EFCAB10: variants seen among roughly 807,000 people sequenced by gnomAD.
EFCAB10 encodes EF-hand calcium binding domain 10, also known as EF-hand calcium-binding domain-containing protein 10.
Under a neutral mutation model 7.7 loss-of-function variants are expected in EFCAB10, and 7 were observed. The ratio of observed to expected loss-of-function variants is 0.91; its 90% CI spans 0.52 to 1.72. The LOEUF is 1.72. EFCAB10 is among the 40% of genes most tolerant of loss of function. The pLI is 0.00. For missense variants in EFCAB10, 112 were observed against 61.5 expected (o/e 1.82, Z -2.74); for synonymous variants, 52 against 21.0 (o/e 2.47, Z -4.03).
chr7:105,570,014 G>A (rs914160674), intron 1 of EFCAB10, among the ~76,000 whole-genome samples: 2 of 150,802 alleles, frequency 1.3e-5, no homozygotes, highest in African/African-American at 2.4e-5. Flanking sequence ...CCTGAGGTTG[G>A]GAGTTTGAGA....
chr7:105,573,394 T>A (rs1791996572), intron 1 of EFCAB10: 1 of 152,194 alleles, frequency 6.6e-6, no homozygotes, highest in Admixed American at 6.6e-5. Flanking sequence ...AATAAGTAAA[T>A]AATGCTAATG....
At chr7:105,579,219 C>T (rs139362170) in intron 1 of EFCAB10, among the ~76,000 whole-genome samples, 1 of 152,318 alleles carries the variant, frequency 6.6e-6, no homozygotes, top group African/African-American at 2.4e-5. Flanking sequence ...TGAGGGATTA[C>T]TGGCTGTGCC....
rs566296934 is a variant in EFCAB10 at position 105,574,207 on chromosome 7, GACAC to G, written c.107-4640_107-4637del. Among the ~76,000 whole-genome samples, 467 of 145,216 alleles carry G rather than the reference GACAC, an allele frequency of 3.2e-3. 4 individuals are homozygous for G. Among genetic ancestry groups the G allele is most frequent in the African/African-American group, 0.011 (442 of 39,150 alleles). Reference sequence around the variant, plus strand: ...ATATACACACACACGTATATATATAGACACACACACACCCGTATATGTACACACA... The same window carrying G: ...ATATACACACACACGTATATATATAGACACACACCCGTATATGTACACACA... On this transcript the variant is annotated intron_variant, in intron 1 of 4. Transcript: ENST00000480514.
Position 105,565,317 on chromosome 7 carries a change from T to G in EFCAB10, c.*130A>C. 1 of 1,614,210 alleles carries G rather than the reference T, an allele frequency of 6.2e-7. No individual in the cohort carries two copies. Among genetic ancestry groups the G allele is most frequent in the Non-Finnish European group, 8.5e-7 (1 of 1,180,002 alleles). ...ATCTCAGTCAGAGCAGGCAGTGATG[T>G]CCCTGTCCAGTTCGGCTTGCCCGTT... On this transcript the variant is annotated 3_prime_UTR_variant, in exon 5 of 5. Coordinates refer to ENST00000480514, the MANE Select transcript of EFCAB10 (RefSeq NM_001355526.2).
chr7:105,570,881 C>T (rs984286503), intron 1 of EFCAB10, among the ~76,000 whole-genome samples: 17 of 152,126 alleles, frequency 1.1e-4, no homozygotes, highest in Middle Eastern at 3.4e-3. Context: ...AAAACTTAGC[C>T]GGGCGTGGTG....
At chr7:105,576,634 T>C (rs1390286413) in intron 1 of EFCAB10, among the ~76,000 whole-genome samples, 1 of 152,094 alleles carries the variant, frequency 6.6e-6, no homozygotes, top group Non-Finnish European at 1.5e-5. Context: ...TTAGTAGAGA[T>C]GGAGTTTCAC....
At chr7:105,565,550 C>A (rs755904615) in intron 4 of EFCAB10, 103 bp from the exon 5 acceptor site, 1 of 1,613,674 alleles carries the variant, frequency 6.2e-7, no homozygotes, top group Non-Finnish European at 8.5e-7. Context: ...CTAATCACTT[C>A]AATGAAGGAG....
At chr7:105,574,898 C>A (rs1208111324) in intron 1 of EFCAB10, among the ~76,000 whole-genome samples, 2 of 146,618 alleles carry the variant, frequency 1.4e-5, no homozygotes, top group Admixed American at 1.4e-4. Context: ...GAGTTCAAGA[C>A]CAGCCTGGCC....
rs1586288585 is a variant in EFCAB10, at chr7:105,573,912, T to A, written c.107-4341A>T. ...GTCAGTCATGATAGTCTCCATTGAG[T>A]TTTTTCTCAATAGCTTTCAAATTCA... On this transcript the variant is annotated intron_variant, in intron 1 of 4. Coordinates refer to ENST00000480514, the MANE Select transcript of EFCAB10 (RefSeq NM_001355526.2). 2.6e-5 allele frequency among the ~76,000 whole-genome samples: 4 copies of A among 152,064 alleles called. No individual in the cohort carries two copies. The South Asian group carries it at 8.3e-4, about 32-fold the overall frequency.
chr7:105,571,442 C>G (rs1791946443), intron 1 of EFCAB10: 1 of 152,174 alleles, frequency 6.6e-6, no homozygotes, highest in Non-Finnish European at 1.5e-5. Flanking sequence ...AAACGTAGTT[C>G]TACAGTATCA....
At chr7:105,565,924 G>A (rs1173749114) in intron 4 of EFCAB10, among the ~76,000 whole-genome samples, 5 of 147,584 alleles carry the variant, frequency 3.4e-5, no homozygotes, top group East Asian at 4.0e-4. Context: ...AGTTACTGGA[G>A]GAATAAATAG....
chr7:105,569,671 C>T (rs925475277), intron 1 of EFCAB10, 100 bp from the exon 2 acceptor site: 12 of 614,922 alleles, frequency 2.0e-5, no homozygotes, highest in Non-Finnish European at 3.4e-5. Context: ...AGCAAAGGCA[C>T]TGTACTAGGC....
intron 1 of EFCAB10, 37 bp downstream of exon 1, chr7:105,581,321 T>A (rs1792229511): frequency 1.4e-6 from 1 of 701,580 alleles, no homozygotes; most frequent in Non-Finnish European, 2.6e-6. Flanking sequence ...GAACCCCACA[T>A]GGAGGTATGG....
intron 1 of EFCAB10, among the ~76,000 whole-genome samples, chr7:105,575,218 C>A (rs1792048266): frequency 6.6e-6 from 1 of 152,002 alleles, no homozygotes; most frequent in Admixed American, 6.6e-5. Flanking sequence ...TACCTCCCAC[C>A]AGGTCCCTTG....
chr7:105,568,381 G>T (rs1791846936), intron 3 of EFCAB10, among the ~76,000 whole-genome samples: 1 of 152,066 alleles, frequency 6.6e-6, no homozygotes, highest in African/African-American at 2.4e-5. Context: ...TATTCCAATG[G>T]TTTTTCTCTG....
At chr7:105,578,285 G>A (rs1303835388) in intron 1 of EFCAB10, among the ~76,000 whole-genome samples, 1 of 152,150 alleles carries the variant, frequency 6.6e-6, no homozygotes, top group Non-Finnish European at 1.5e-5. Context: ...GTAAGTATAA[G>A]TCAGTGAGGA....
chr7:105,569,312 T>C, intron 2 of EFCAB10, 22 bp from the exon 3 acceptor site: 1 of 696,214 alleles, frequency 1.4e-6, no homozygotes, highest in Non-Finnish European at 2.6e-6. Flanking sequence ...TGAGAAGAAA[T>C]GAAGTGAGAA....
intron 1 of EFCAB10, among the ~76,000 whole-genome samples, chr7:105,577,976 C>T (rs1445460039): frequency 6.6e-6 from 1 of 152,182 alleles, no homozygotes; most frequent in Admixed American, 6.5e-5. Context: ...GTTGGCCAGG[C>T]TGGTCTCGAA....
chr7:105,565,302 G>C lies in EFCAB10; in HGVS notation c.*145C>G, dbSNP rs2133475403. ...ATGGTTGTCCTTGCCATCTCAGTCA[G>C]AGCAGGCAGTGATGTCCCTGTCCAG... On this transcript the variant is annotated 3_prime_UTR_variant, in exon 5 of 5. Transcript: ENST00000480514. The C allele has an allele frequency of 2.5e-6, 4 of 1,612,006 alleles. No homozygotes were observed. The highest frequency in any genetic ancestry group is 3.4e-6 in the Non-Finnish European group (4 of 1,178,276).
Sources: gnomAD v4.1 joint callset for allele counts (sites outside exome capture counted in the v4.1 genomes callset) on GRCh38, gnomAD v4.1.1 for gene constraint, MANE v1.5 for transcripts, NCBI Gene and HGNC (gene_info 2026-07-23, HGNC 2026-07-21) for gene names.